Variants in MBOAT2 observed in about 807,000 individuals in gnomAD.
MBOAT2 encodes the protein membrane bound glycerophospholipid O-acyltransferase 2, also known as membrane-bound glycerophospholipid O-acyltransferase 2.
Under a neutral mutation model 63.4 loss-of-function variants are expected in MBOAT2, and 28 were observed. The observed-to-expected ratio is 0.44, with a 90% CI of 0.33 to 0.61. The LOEUF is 0.61. Among genes scored for constraint, MBOAT2 ranks in the 20% least tolerant of loss-of-function variants. The pLI, the probability that MBOAT2 is intolerant of heterozygous loss-of-function variation, is 0.03. For synonymous variants in MBOAT2, 211 were observed against 215.6 expected, an observed-to-expected ratio of 0.98 and a Z score of 0.19; for missense variants, 470 against 605.8, an observed-to-expected ratio of 0.78 and a Z score of 2.35.
chr2:8,976,528 A>G (rs1670824866), intron 1 of MBOAT2, among the ~76,000 whole-genome samples: 1 of 152,164 alleles, frequency 6.6e-6, no homozygotes, highest in East Asian at 1.9e-4. Flanking sequence ...AAAGCATCAC[A>G]CAGAACACAG....
intron 6 of MBOAT2, among the ~76,000 whole-genome samples, chr2:8,878,039 C>G (rs1159228144): frequency 1.3e-5 from 2 of 152,200 alleles, no homozygotes; most frequent in Non-Finnish European, 2.9e-5. Context: ...ATGCGTCACT[C>G]CAGCCCATGT....
At chr2:8,908,982 G>C (rs528272554) in intron 3 of MBOAT2, among the ~76,000 whole-genome samples, 3 of 152,140 alleles carry the variant, frequency 2.0e-5, no homozygotes, top group Admixed American at 6.5e-5. Context: ...TTTGAAATCA[G>C]GATCACAAGC....
chr2:8,863,386 T>G (rs1382707621), intron 10 of MBOAT2, among the ~76,000 whole-genome samples: 3 of 152,156 alleles, frequency 2.0e-5, no homozygotes, highest in Non-Finnish European at 2.9e-5. Context: ...TAGGGGCCGT[T>G]TTTTATGAAG....
chr2:8,976,469 T>C (rs552803138), intron 1 of MBOAT2, among the ~76,000 whole-genome samples: 1 of 152,100 alleles, frequency 6.6e-6, no homozygotes, highest in Non-Finnish European at 1.5e-5. Context: ...CTGAAATAAA[T>C]ACAAGCCAGA....
chr2:8,911,842 T>C (rs766659228), intron 3 of MBOAT2, among the ~76,000 whole-genome samples: 1 of 152,166 alleles, frequency 6.6e-6, no homozygotes, highest in Non-Finnish European at 1.5e-5. Context: ...CTTTTCTCTA[T>C]AAATTACCCA....
intron 1 of MBOAT2, among the ~76,000 whole-genome samples, chr2:8,992,483 T>C (rs990501461): frequency 2.6e-5 from 4 of 152,238 alleles, no homozygotes; most frequent in African/African-American, 9.6e-5. Context: ...ATGTTTTTCA[T>C]GTATATATTG....
At chr2:8,948,362 A>G (rs1238723271) in intron 2 of MBOAT2, among the ~76,000 whole-genome samples, 1 of 152,202 alleles carries the variant, frequency 6.6e-6, no homozygotes, top group Non-Finnish European at 1.5e-5. Context: ...CTTCTATTTT[A>G]TACTCAGGGG....
At chr2:8,915,368 G>A (rs1174853257) in intron 3 of MBOAT2, among the ~76,000 whole-genome samples, 2 of 152,146 alleles carry the variant, frequency 1.3e-5, no homozygotes, top group Admixed American at 1.3e-4. Context: ...TCTCTACCTA[G>A]AATATGGATC....
intron 4 of MBOAT2, among the ~76,000 whole-genome samples, chr2:8,896,885 TATG>T (rs1470364804): frequency 1.3e-5 from 2 of 151,506 alleles, no homozygotes; most frequent in Non-Finnish European, 2.9e-5. Context: ...GGGACCTTTG[TATG>T]ATAATTAAGA....
chr2:8,928,484 T>C (rs1309688857), intron 3 of MBOAT2, among the ~76,000 whole-genome samples: 1 of 152,204 alleles, frequency 6.6e-6, no homozygotes, highest in Non-Finnish European at 1.5e-5. Flanking sequence ...GCAGCTGTTC[T>C]TAAATTTTTT....
intron 1 of MBOAT2, among the ~76,000 whole-genome samples, chr2:8,977,324 T>C (rs1468325251): frequency 6.6e-6 from 1 of 152,162 alleles, no homozygotes; most frequent in African/African-American, 2.4e-5. Flanking sequence ...GGTATTTCAT[T>C]GAAGTTACAT....
intron 3 of MBOAT2, among the ~76,000 whole-genome samples, chr2:8,916,383 G>A (rs543716560): frequency 4.6e-5 from 7 of 152,230 alleles, no homozygotes; most frequent in South Asian, 2.1e-4. Flanking sequence ...GTTCTAGAAC[G>A]GAACATTTTC....
Position 8,873,297 on chromosome 2 carries a change from C to T in MBOAT2, c.694G>A (p.Ala232Thr). 1.9e-6 allele frequency: 3 copies of T among 1,612,338 alleles called. No individual in the cohort carries two copies. Among genetic ancestry groups the T allele is most frequent in the Non-Finnish European group, 2.5e-6 (3 of 1,178,926 alleles). The change falls in exon 8 of 13, where the codon GCG (alanine) becomes ACG (threonine). Residue 232 changes from alanine to threonine, a missense_variant. This residue lies in a region of MBOAT2 where 376 missense variants were observed against 503.8 expected (regional missense o/e 0.75). Transcript: ENST00000305997. ...YERTEPSPNT[A>T]VVQKLLVCGL... ...CAAACTAAGAGCTTCTGAACAACCG[C>T]AGTCTGAAAAGCGCAAGGCGAGACT...
intron 1 of MBOAT2, among the ~76,000 whole-genome samples, chr2:8,978,116 C>A (rs1266583085): frequency 6.6e-6 from 1 of 152,074 alleles, no homozygotes; most frequent in African/African-American, 2.4e-5. Flanking sequence ...AAAATAAAAT[C>A]TCCGCTCCTT....
intron 1 of MBOAT2, among the ~76,000 whole-genome samples, chr2:8,960,701 G>A (rs1029141148): frequency 1.1e-4 from 16 of 152,168 alleles, no homozygotes; most frequent in African/African-American, 3.6e-4. Context: ...CAGAATCTTT[G>A]AAATCATCTC....
rs1672818705 is a variant in MBOAT2 at position 9,003,056 on chromosome 2, A to G, written c.75+484T>C. On this transcript the variant is annotated intron_variant, in intron 1 of 12. Coordinates refer to ENST00000305997, the MANE Select transcript of MBOAT2 (RefSeq NM_138799.4). The surrounding 1 kb of genome is among the most constrained non-coding windows in gnomAD (Gnocchi z 5.4). ...CGACGCCGTCTCTAAGGCACCCAGC[A>G]CACCCAGACCCATGCATCAGCCTCT... 6.6e-6 allele frequency among the ~76,000 whole-genome samples: 1 copy of G among 151,902 alleles called. No homozygotes were observed. Among genetic ancestry groups the G allele is most frequent in the African/African-American group, 2.4e-5 (1 of 41,430 alleles).
intron 4 of MBOAT2, among the ~76,000 whole-genome samples, chr2:8,903,392 T>C (rs1665106134): frequency 6.6e-6 from 1 of 152,214 alleles, no homozygotes; most frequent in Non-Finnish European, 1.5e-5. Context: ...GACTGAGCAG[T>C]AGTAAACATT....
intron 3 of MBOAT2, among the ~76,000 whole-genome samples, chr2:8,912,315 GAAAGAAAGAAAGAA>G: frequency 1.1e-5 from 1 of 92,344 alleles, no homozygotes; most frequent in East Asian, 2.8e-4. Flanking sequence ...AAGAAAGAAA[GAAAGAAAGAAAGAA>G]AGAAAGAAAG....
intron 1 of MBOAT2, among the ~76,000 whole-genome samples, chr2:8,996,392 T>C (rs947124652): frequency 3.5e-4 from 53 of 152,118 alleles, no homozygotes; most frequent in African/African-American, 1.2e-3. Flanking sequence ...GAGAAGTAAG[T>C]CATATTGAAG....
Sources: allele counts gnomAD v4.1 joint callset (sites outside exome capture counted in the v4.1 genomes callset), GRCh38; gene constraint gnomAD v4.1.1; regional missense constraint gnomAD v4.1.1; non-coding constraint Gnocchi (gnomAD v3.1); transcripts MANE v1.5; gene names NCBI Gene and HGNC (gene_info 2026-07-23, HGNC 2026-07-21).